BRF1: variants seen among roughly 807,000 people sequenced by gnomAD.
BRF1 encodes BRF1 general transcription factor IIIB subunit.
Under a neutral mutation model 81.7 loss-of-function variants are expected in BRF1, and 59 were observed. The observed-to-expected ratio is 0.72, with a 90% CI of 0.59 to 0.90. The LOEUF is 0.90. BRF1 is among the 40% of genes least tolerant of loss of function. The probability of loss-of-function intolerance (pLI) is 0.00; values close to 1 mark genes in which losing one functional copy is unlikely to be tolerated. For synonymous variants in BRF1, 491 were observed against 395.6 expected (o/e 1.24, Z -2.86); for missense variants, 1,050 against 936.3 (o/e 1.12, Z -1.58).
chr14:105,259,246 C>T (rs1475907915), intron 3 of BRF1, among the ~76,000 whole-genome samples: 1 of 152,120 alleles, frequency 6.6e-6, no homozygotes, highest in Non-Finnish European at 1.5e-5. Flanking sequence ...GAGTTCAAGA[C>T]CGGCCTGGGC....
chr14:105,226,673 G>C lies in BRF1; in HGVS notation c.876C>G (p.Pro292=), dbSNP rs369618475. 6 of 1,613,256 alleles carry C rather than the reference G, an allele frequency of 3.7e-6. No individual in the cohort carries two copies. The highest frequency in any genetic ancestry group is 2.2e-5 in the East Asian group (1 of 44,886). Reference sequence around the variant, plus strand: ...GCTTCCTCTGCCCAGCTGTGTACGAGGGGGGGTCGCACTCCTCCTCCAGGT... The same window carrying C: ...GCTTCCTCTGCCCAGCTGTGTACGACGGGGGGTCGCACTCCTCCTCCAGGT... ...KIDLEEECDP[P]SYTAGQRKLR... Residue 292 remains proline (P), a synonymous_variant, in exon 8 of 18, where the codon CCC becomes CCG. Transcript: ENST00000547530.
At chr14:105,301,835 G>T (rs143189898), upstream of BRF1, among the ~76,000 whole-genome samples, 32 of 152,320 alleles carry the variant, frequency 2.1e-4, 1 homozygote, top group African/African-American at 7.7e-4. Context: ...ACCCAGGAAT[G>T]AGCCTAAAAA....
intron 4 of BRF1, among the ~76,000 whole-genome samples, chr14:105,253,617 A>G (rs139449584): frequency 6.6e-6 from 1 of 152,200 alleles, no homozygotes; most frequent in Non-Finnish European, 1.5e-5. Context: ...GAGGCAAGAG[A>G]CAGAGGCAAG....
At chr14:105,268,018 T>TGCAGACCTAC (rs2056498737) in intron 3 of BRF1, among the ~76,000 whole-genome samples, 1 of 151,984 alleles carries the variant, frequency 6.6e-6, no homozygotes, top group Non-Finnish European at 1.5e-5. Flanking sequence ...GCATGCTCTT[T>TGCAGACCTAC]GCAGACCTAC....
chr14:105,309,155 C>G lies in BRF1; in HGVS notation c.-162+6167G>C, dbSNP rs146026202. ...GGGCCTGGGTGTTTTCCTTTCTTTT[C>G]TAATATTTAAGTTATGTCCTGGCTT... is the stretch of plus-strand genomic sequence containing the variant. On this transcript the variant is annotated intron_variant, in intron 1 of 17. Transcript: ENST00000327359. This position sits in a 1 kb window ranked among gnomAD's most constrained non-coding sequence, Gnocchi z 4.0. 2.1e-3 allele frequency among the ~76,000 whole-genome samples: 323 copies of G among 152,156 alleles called. 1 individual carries two copies. Among genetic ancestry groups the G allele is most frequent in the African/African-American group, 6.9e-3 (285 of 41,520 alleles).
At chr14:105,227,373 T>G (rs930727556) in intron 7 of BRF1, 20 of 153,138 alleles carry the variant, frequency 1.3e-4, no homozygotes, top group African/African-American at 2.4e-5. Flanking sequence ...TGAGCCAAGA[T>G]CGTGCCACTG....
rs919378796 is a variant in BRF1, at chr14:105,271,511, C to A, written c.439+1210G>T. On this transcript the variant is annotated intron_variant, in intron 3 of 17. Coordinates refer to ENST00000547530, the MANE Select transcript of BRF1 (RefSeq NM_001519.4). This position sits in a 1 kb window ranked among gnomAD's most constrained non-coding sequence, Gnocchi z 5.5. ...GGGAGGGGGACCACCTTCAGAGGGG[C>A]GCAGCTCGGAAAAGGTCCCTCTCCC... is the stretch of plus-strand genomic sequence containing the variant. Among the ~76,000 whole-genome samples, 3 of 152,146 alleles carry A rather than the reference C, an allele frequency of 2.0e-5. No homozygotes were observed. Among genetic ancestry groups the A allele is most frequent in the Non-Finnish European group, 4.4e-5 (3 of 68,030 alleles).
chr14:105,314,933 C>T, intron 1 of BRF1: 2 of 1,105,630 alleles, frequency 1.8e-6, no homozygotes, highest in Admixed American at 4.2e-5. Context: ...CCGAGCGAGG[C>T]CGCCTCGGCC....
chr14:105,229,255 T>G (rs587643229), intron 6 of BRF1, among the ~76,000 whole-genome samples: 1 of 152,174 alleles, frequency 6.6e-6, no homozygotes, highest in Non-Finnish European at 1.5e-5. Context: ...ACTCTGAGGA[T>G]GCGGAGCCAG....
intron 16 of BRF1, chr14:105,211,596 C>G: frequency 2.4e-6 from 1 of 423,774 alleles, no homozygotes; most frequent in Non-Finnish European, 4.2e-6. Context: ...CCATAGGCCT[C>G]GGCCGAGGAC....
At chr14:105,303,086 G>A (rs587683048), upstream of BRF1, among the ~76,000 whole-genome samples, 5 of 152,076 alleles carry the variant, frequency 3.3e-5, no homozygotes, top group South Asian at 2.1e-4. Context: ...GTGCCACCAC[G>A]CCCAGCTAAT....
intron 1 of BRF1, among the ~76,000 whole-genome samples, chr14:105,311,060 C>T (rs1044321954): frequency 6.6e-6 from 1 of 152,136 alleles, no homozygotes; most frequent in Non-Finnish European, 1.5e-5. Flanking sequence ...TCAAGCGATT[C>T]TCCTGCCTCA....
intron 10 of BRF1, among the ~76,000 whole-genome samples, chr14:105,224,476 T>C (rs970749610): frequency 1.3e-5 from 2 of 152,248 alleles, no homozygotes; most frequent in East Asian, 1.9e-4. Context: ...AAATAAATTA[T>C]GTAGATTACT....
chr14:105,256,441 AC>A (rs1275588536), intron 4 of BRF1, 76 bp downstream of exon 4: 4 of 1,613,706 alleles, frequency 2.5e-6, no homozygotes, highest in Non-Finnish European at 3.4e-6. Context: ...CCTGGGGTAC[AC>A]CCCGGTCACA....
intron 10 of BRF1, among the ~76,000 whole-genome samples, chr14:105,224,657 C>G (rs1892806679): frequency 6.6e-6 from 1 of 152,204 alleles, no homozygotes; most frequent in Non-Finnish European, 1.5e-5. Context: ...AAGTGATCCT[C>G]CGGCCTCAGC....
chr14:105,248,608 G>GGGCCT (rs2055325827), intron 5 of BRF1: 1 of 975,212 alleles, frequency 1.0e-6, no homozygotes, highest in Non-Finnish European at 1.2e-6. Context: ...CCCCGCGGCC[G>GGGCCT]GGCCTGGCCG....
At chr14:105,229,541 C>T (rs774365583) in intron 6 of BRF1, among the ~76,000 whole-genome samples, 1 of 152,214 alleles carries the variant, frequency 6.6e-6, no homozygotes, top group Non-Finnish European at 1.5e-5. Context: ...CAGGCCACGG[C>T]CACATCCACC....
chr14:105,314,944 T>C (rs2140747526), intron 1 of BRF1: 1 of 1,159,428 alleles, frequency 8.6e-7, no homozygotes, highest in Non-Finnish European at 1.1e-6. Flanking sequence ...CGCCTCGGCC[T>C]CCCCGGCGCG....
chr14:105,228,756 C>A (rs2054224025), intron 7 of BRF1, 64 bp downstream of exon 7: 4 of 1,577,548 alleles, frequency 2.5e-6, no homozygotes, highest in South Asian at 2.2e-5. Flanking sequence ...CTCTGGCAAG[C>A]AGGCCTGAGC....
Sources: gnomAD v4.1 joint callset for allele counts (sites outside exome capture counted in the v4.1 genomes callset) on GRCh38, gnomAD v4.1.1 for gene constraint, Gnocchi (gnomAD v3.1) non-coding constraint, MANE v1.5 for transcripts, NCBI Gene and HGNC (gene_info 2026-07-23, HGNC 2026-07-21) for gene names.